MFSD1: variants seen among roughly 807,000 people sequenced by gnomAD.
The protein encoded by MFSD1 is major facilitator superfamily domain containing 1, also known as lysosomal dipeptide transporter MFSD1.
A neutral mutation model predicts 67.1 loss-of-function variants in MFSD1; 59 were observed. The observed-to-expected ratio is 0.88, with a 90% CI of 0.71 to 1.09. MFSD1 has a LOEUF of 1.09. MFSD1 is among the 50% of genes least tolerant of loss of function. The pLI, the probability that MFSD1 is intolerant of heterozygous loss-of-function variation, is 0.00. For missense variants in MFSD1, 552 were observed against 566.1 expected, an observed-to-expected ratio of 0.97 and a Z score of 0.25; for synonymous variants, 213 against 200.3, an observed-to-expected ratio of 1.06 and a Z score of -0.54.
At chr3:158,802,772 C>G (rs1198255218) in intron 1 of MFSD1, among the ~76,000 whole-genome samples, 1 of 152,144 alleles carries the variant, frequency 6.6e-6, no homozygotes, top group African/African-American at 2.4e-5. Context: ...GTGAAAGTGG[C>G]TTACTGCAGC....
At position 158,824,132 on chromosome 3, in the gene MFSD1, C is replaced by T; in HGVS notation, c.1184C>T (p.Ser395Phe). 6.2e-7 allele frequency: 1 copy of T among 1,609,596 alleles called. No homozygotes were observed. Reference sequence around the variant, plus strand: ...TATTTCTTCCATTGTAGCATGCAGTCCATTCAGAATCTTGGGTTGGCCATC... The same window carrying T: ...TATTTCTTCCATTGTAGCATGCAGTTCATTCAGAATCTTGGGTTGGCCATC... ...QLGTAYGFMQ[S>F]IQNLGLAIIS... Residue 395 changes from serine to phenylalanine, a missense_variant, in exon 13 of 16, where the codon TCC (serine) becomes TTC (phenylalanine). By Grantham distance (155) the Ser-to-Phe change is radical. Transcript: ENST00000415822.
intron 3 of MFSD1, among the ~76,000 whole-genome samples, chr3:158,805,969 A>G (rs1399428987): frequency 2.0e-5 from 3 of 152,206 alleles, no homozygotes; most frequent in Admixed American, 1.3e-4. Context: ...CTTGGGGTGT[A>G]AAACATTTTG....
chr3:158,823,355 C>T, intron 11 of MFSD1, 73 bp from the exon 12 acceptor site: 1 of 1,021,452 alleles, frequency 9.8e-7, no homozygotes, highest in Non-Finnish European at 1.6e-6. Context: ...GTCACTTTTG[C>T]TAATCTGCAT....
intron 7 of MFSD1, among the ~76,000 whole-genome samples, chr3:158,816,682 T>C (rs1452652056): frequency 6.6e-6 from 1 of 151,548 alleles, no homozygotes; most frequent in Non-Finnish European, 1.5e-5. Context: ...ATTTTGGCTT[T>C]TGTTGCCATT....
rs1309823161 is a variant in MFSD1 at position 158,821,480 on chromosome 3, G to A, written c.864-117G>A. The stretch of plus-strand genomic sequence containing the variant: ...CCTGAAGGTGAATATAAATAAGGTG[G>A]GAGAATAATATCAAGAAAGAAGCTG... On this transcript the variant is annotated intron_variant, in intron 9 of 15. Coordinates refer to ENST00000415822, the MANE Select transcript of MFSD1 (RefSeq NM_022736.4). 1.2e-5 allele frequency: 8 copies of A among 658,888 alleles called. No individual in the cohort carries two copies. The East Asian group carries it at 2.2e-4, about 18-fold the overall frequency. The allele number at this position is 658,888 out of a possible 1,614,324, so 40.8% of individuals were successfully genotyped here.
intron 7 of MFSD1, 79 bp downstream of exon 7, chr3:158,814,146 A>C: frequency 9.3e-7 from 1 of 1,078,346 alleles, no homozygotes; most frequent in Non-Finnish European, 1.4e-6. Flanking sequence ...AGGAAGGCAC[A>C]CTGGAATTTG....
chr3:158,822,285 A>G (rs545635731), intron 11 of MFSD1, 145 bp downstream of exon 11: 26 of 522,160 alleles, frequency 5.0e-5, no homozygotes, highest in Admixed American at 1.0e-4. Flanking sequence ...TCTACAAAAT[A>G]ATTATTTTTT....
chr3:158,816,601 G>A (rs1453562416), intron 7 of MFSD1, among the ~76,000 whole-genome samples: 4 of 151,200 alleles, frequency 2.6e-5, no homozygotes, highest in South Asian at 2.1e-4. Flanking sequence ...TTTGTAGGTT[G>A]CCTGTTCACT....
intron 14 of MFSD1, among the ~76,000 whole-genome samples, chr3:158,826,907 A>G (rs1730997423): frequency 6.6e-6 from 1 of 152,032 alleles, no homozygotes; most frequent in Non-Finnish European, 1.5e-5. Context: ...AGCTCAAGCA[A>G]TCCTCCCGCC....
intron 3 of MFSD1, 98 bp downstream of exon 3, chr3:158,805,572 G>C (rs1729684624): frequency 1.1e-6 from 1 of 914,956 alleles, no homozygotes; most frequent in South Asian, 1.4e-5. Context: ...ATAAACTTCT[G>C]TATTAACTAA....
chr3:158,827,380 C>A, intron 15 of MFSD1, 43 bp downstream of exon 15: 11 of 1,045,954 alleles, frequency 1.1e-5, no homozygotes, highest in Non-Finnish European at 1.4e-5. Flanking sequence ...TTTTTGAAAT[C>A]TTAAATATGA....
Position 158,814,017 on chromosome 3 carries a change from C to G in MFSD1, c.602C>G (p.Ala201Gly), listed in dbSNP as rs576639290. 23 of 1,613,520 alleles carry G rather than the reference C, an allele frequency of 1.4e-5. No individual in the cohort carries two copies. The African/African-American group carries it at 2.9e-4, about 21-fold the overall frequency. ...GGATGGCTGTATTCTAAGATTGAAGCTTTGTTAGGTTCTGCTGGTCACACA... is the reference window on the plus strand; with the variant it reads ...GGATGGCTGTATTCTAAGATTGAAGGTTTGTTAGGTTCTGCTGGTCACACA... ...LMGWLYSKIE[A>G]LLGSAGHTTL... Residue 201 changes from alanine (A) to glycine (G), a missense_variant, in exon 7 of 16, where the codon GCT becomes GGT. By Grantham distance (60) the Ala-to-Gly change is moderately conservative. Transcript: ENST00000415822.
intron 2 of MFSD1, 146 bp downstream of exon 2, chr3:158,804,517 G>T: frequency 1.8e-6 from 1 of 560,896 alleles, no homozygotes; most frequent in Non-Finnish European, 3.1e-6. Flanking sequence ...CAAGTTGCAA[G>T]GGGTGTTCTT....
At chr3:158,811,360 A>G (rs1730009045) in intron 6 of MFSD1, among the ~76,000 whole-genome samples, 1 of 152,206 alleles carries the variant, frequency 6.6e-6, no homozygotes. Flanking sequence ...CATTCATCCA[A>G]GTGGAAATGT....
chr3:158,827,006 G>A (rs1355823000), intron 14 of MFSD1, among the ~76,000 whole-genome samples: 1 of 152,046 alleles, frequency 6.6e-6, no homozygotes, highest in African/African-American at 2.4e-5. Flanking sequence ...TATTAATACA[G>A]TGTCCTAAGT....
chr3:158,815,586 T>C (rs1218738000), intron 7 of MFSD1, among the ~76,000 whole-genome samples: 1 of 151,916 alleles, frequency 6.6e-6, no homozygotes, highest in Non-Finnish European at 1.5e-5. Context: ...AAAATACAGA[T>C]ATTATTTATA....
chr3:158,823,815 A>T (rs1047713552), intron 12 of MFSD1, among the ~76,000 whole-genome samples: 1 of 152,186 alleles, frequency 6.6e-6, no homozygotes, highest in Non-Finnish European at 1.5e-5. Context: ...AGTTCCTGGC[A>T]CAGAAAGGCA....
chr3:158,804,353 T>G lies in MFSD1; in HGVS notation c.198T>G (p.Leu66=), dbSNP rs1184439140. The change falls in exon 2 of 16, where the codon CTT becomes CTG. Residue 66 remains leucine, a synonymous_variant. Transcript: ENST00000415822. ...TTTGCTATGATAATCCTGCTGCCCTTCAGACTCAAGTTAAACGAGTAAGTT... is the reference window on the plus strand; with the variant it reads ...TTTGCTATGATAATCCTGCTGCCCTGCAGACTCAAGTTAAACGAGTAAGTT... ...SYFCYDNPAA[L]QTQVKRDMQV... is the part of the protein sequence containing the mutation. The G allele has an allele frequency of 1.9e-5, 31 of 1,611,340 alleles. No homozygotes were observed. The highest frequency in any genetic ancestry group is 2.5e-5 in the Non-Finnish European group (30 of 1,179,248).
chr3:158,807,552 G>T, intron 5 of MFSD1, 89 bp downstream of exon 5: 1 of 1,041,860 alleles, frequency 9.6e-7, no homozygotes, highest in South Asian at 1.4e-5. Context: ...GTCTCTTCTG[G>T]GGAATTACTT....
Sources: allele counts gnomAD v4.1 joint callset (sites outside exome capture counted in the v4.1 genomes callset), GRCh38; gene constraint gnomAD v4.1.1; transcripts MANE v1.5; gene names NCBI Gene and HGNC (gene_info 2026-07-23, HGNC 2026-07-21).